Variants in ZFYVE26 observed in about 807,000 individuals in gnomAD.
The protein encoded by ZFYVE26 is zinc finger FYVE-type containing 26.
In ZFYVE26, 181 loss-of-function variants were observed where a neutral mutation model predicts 276.5. The ratio of observed to expected loss-of-function variants is 0.65; its 90% confidence interval spans 0.58 to 0.74. The LOEUF (loss-of-function observed/expected upper bound fraction) is 0.74. ZFYVE26 is among the 30% of genes least tolerant of loss of function. The pLI is 0.00. For missense variants in ZFYVE26, 2,821 were observed against 3,097.9 expected, an observed-to-expected ratio of 0.91 and a Z score of 2.12; for synonymous variants, 1,129 against 1,203.1, an observed-to-expected ratio of 0.94 and a Z score of 1.27.
At chr14:67,761,037 T>C (rs566715927) in intron 35 of ZFYVE26, 2 of 588,060 alleles carry the variant, frequency 3.4e-6, no homozygotes, top group African/African-American at 1.9e-5. Context: ...CTAAGCAATA[T>C]GCCCAAGGCC....
chr14:67,807,652 G>C lies in ZFYVE26; in HGVS notation c.632C>G (p.Pro211Arg). 1 of 1,614,160 alleles carries C rather than the reference G, an allele frequency of 6.2e-7. No homozygotes were observed. Among genetic ancestry groups the C allele is most frequent in the Non-Finnish European group, 8.5e-7 (1 of 1,180,040 alleles). The part of the protein sequence containing the change: ...LRALQGPDSV[P>R]PGVVDAIYGA... ...ATAGATGGCATCGACTACCCCAGGG[G>C]GCACCGAATCAGGGCCCTGCAAAGC... Residue 211 changes from proline to arginine, a missense_variant, in exon 5 of 42, where the codon CCC becomes CGC. Physicochemically the swap from Pro to Arg is moderately radical, Grantham distance 103. Coordinates refer to ENST00000347230, the MANE Select transcript of ZFYVE26 (RefSeq NM_015346.4).
chr14:67,733,860 G>A (rs564474436), intron 13 of ZFYVE26: 2 of 1,590,540 alleles, frequency 1.3e-6, no homozygotes, highest in South Asian at 1.1e-5. Flanking sequence ...TGGTGGAAGA[G>A]CTGCAGCTTT....
chr14:67,798,444 C>T lies in ZFYVE26; in HGVS notation c.1818G>A (p.Glu606=). 1.2e-6 allele frequency: 2 copies of T among 1,614,132 alleles called. No individual in the cohort carries two copies. The highest frequency in any genetic ancestry group is 1.7e-6 in the Non-Finnish European group (2 of 1,180,006). The change falls in exon 11 of 42, where the codon GAG becomes GAA. Residue 606 remains glutamate (E), a synonymous_variant. Transcript: ENST00000347230. ...ACCTCAAACCTGAGGGGCTCTTCCCCTCAATGTCATCATCCTCAGCATAGT... is the reference window on the plus strand; with the variant it reads ...ACCTCAAACCTGAGGGGCTCTTCCCTTCAATGTCATCATCCTCAGCATAGT... ...PEDYAEDDDI[E]GKSPSGLRSP...
At position 67,766,407 on chromosome 14, in the gene ZFYVE26, T is replaced by C. The variant is rs2039061633; in HGVS notation, c.5831A>G (p.His1944Arg). 2 of 1,612,264 alleles carry C rather than the reference T, an allele frequency of 1.2e-6. No individual in the cohort carries two copies. Among genetic ancestry groups the C allele is most frequent in the African/African-American group, 1.3e-5 (1 of 74,810 alleles). ...ASLCIAILNL[H>R]RDSIACGHQL... is the part of the protein sequence containing the mutation. ...GTGACCACAGGCAATGCTGTCCCGG[T>C]GCAGATTCAGGATGGCAATGCACAA... The change falls in exon 32 of 42, where the codon CAC (histidine) becomes CGC (arginine). Residue 1944 changes from histidine (H) to arginine (R), a missense_variant. Coordinates refer to ENST00000347230, the MANE Select transcript of ZFYVE26 (RefSeq NM_015346.4).
Position 67,799,011 on chromosome 14 carries a change from T to C in ZFYVE26, c.1640-389A>G, listed in dbSNP as rs1025867236. On this transcript the variant is annotated intron_variant, in intron 10 of 41. Transcript: ENST00000347230. ...ACGGATACTCTCTGCCCTCAGATCC[T>C]GGGAAAAGTCTATTCCGTTCCCAGT... is the stretch of plus-strand genomic sequence containing the variant. 3.0e-5 allele frequency: 34 copies of C among 1,150,010 alleles called. No individual in the cohort carries two copies. The African/African-American group carries it at 4.6e-4, about 16-fold the overall frequency. The allele number at this position is 1,150,010 out of a possible 1,614,324, so 71.2% of individuals were successfully genotyped here. A position where few individuals can be genotyped will look rare whatever the true frequency, so the allele number is the denominator to read the frequency against.
At chr14:67,769,499 T>A in intron 29 of ZFYVE26, 95 bp downstream of exon 29, 1 of 1,562,096 alleles carries the variant, frequency 6.4e-7, no homozygotes, top group Non-Finnish European at 8.8e-7. Flanking sequence ...TTTCTGGATT[T>A]GAAATGCTCT....
rs1190463308 is a variant in ZFYVE26 at position 67,804,191 on chromosome 14, GGA to G, written c.1343_1344del (p.Leu448ProfsTer31). The G allele has an allele frequency of 3.1e-6, 5 of 1,614,086 alleles. No individual in the cohort carries two copies. Among genetic ancestry groups the G allele is most frequent in the Non-Finnish European group, 4.2e-6 (5 of 1,180,028 alleles). On this transcript the variant is annotated frameshift_variant, in exon 9 of 42. Transcript: ENST00000347230. LOFTEE classifies it high-confidence loss of function. The part of the protein sequence containing the change: ...GGDSHSVLYT[L>X]HHLTNLPALR... ...AGGGCTGGAAGGTTTGTAAGGTGATGGAGAGTGTAGAGCACTGAGTGGCTGTC... is the reference window on the plus strand; with the variant it reads ...AGGGCTGGAAGGTTTGTAAGGTGATGGAGTGTAGAGCACTGAGTGGCTGTC...
At chr14:67,759,851 T>C (rs932080650) in intron 35 of ZFYVE26, among the ~76,000 whole-genome samples, 1 of 152,180 alleles carries the variant, frequency 6.6e-6, no homozygotes, top group African/African-American at 2.4e-5. Context: ...ATTTATGTTT[T>C]AGAAAGCTCA....
chr14:67,775,096 T>A lies in ZFYVE26; in HGVS notation c.5240A>T (p.Gln1747Leu), dbSNP rs1425964173. The A allele has an allele frequency of 6.2e-7, 1 of 1,610,768 alleles. No homozygotes were observed. The highest frequency in any genetic ancestry group is 1.7e-5 in the Admixed American group (1 of 59,404). ...ATCTGCAGCCTGGTGGACAATTTCT[T>A]GGAGGTGAATCACAGAATCTGTAGA... is the stretch of plus-strand genomic sequence containing the variant. ...EKRSDSVIHL[Q>L]EIVHQAADPE... is the part of the protein sequence containing the mutation. The change falls in exon 27 of 42, where the codon CAA becomes CTA. Residue 1747 changes from glutamine to leucine, a missense_variant. Coordinates refer to ENST00000347230, the MANE Select transcript of ZFYVE26 (RefSeq NM_015346.4).
rs1271425224 is a variant in ZFYVE26, at chr14:67,798,289, G to A, written c.1973C>T (p.Pro658Leu). The A allele has an allele frequency of 6.2e-7, 1 of 1,614,186 alleles. No individual in the cohort carries two copies. Among genetic ancestry groups the A allele is most frequent in the Non-Finnish European group, 8.5e-7 (1 of 1,180,016 alleles). The change falls in exon 11 of 42, where the codon CCA becomes CTA. Residue 658 changes from proline to leucine, a missense_variant. Physicochemically the swap from Pro to Leu is moderately conservative, Grantham distance 98. Transcript: ENST00000347230. The stretch of plus-strand genomic sequence containing the variant: ...CAAAAAGCTGTGCCTATGAGGCCCT[G>A]GGTAACTGTCTTTTGGCTCTGCCTT... ...HVKAEPKDSY[P>L]GPHRHSFLDL... is the part of the protein sequence containing the mutation.
chr14:67,798,878 C>A (rs2140243819), intron 10 of ZFYVE26: 1 of 878,240 alleles, frequency 1.1e-6, no homozygotes, highest in Non-Finnish European at 1.7e-6. Context: ...GCCTCCCCAG[C>A]CTTTTGGCCA....
chr14:67,769,801 C>A, intron 28 of ZFYVE26, 71 bp from the exon 29 acceptor site: 1 of 1,605,362 alleles, frequency 6.2e-7, no homozygotes, highest in East Asian at 2.2e-5. Flanking sequence ...TCCATTTATA[C>A]ATGGTATTAA....
intron 23 of ZFYVE26, among the ~76,000 whole-genome samples, chr14:67,779,307 A>C (rs1187485772): frequency 6.6e-6 from 1 of 152,222 alleles, no homozygotes; most frequent in East Asian, 1.9e-4. Flanking sequence ...TCATGCCTGT[A>C]ATCCCAGCAC....
intron 9 of ZFYVE26, 51 bp from the exon 10 acceptor site, chr14:67,802,333 T>C (rs1440616649): frequency 6.3e-7 from 1 of 1,584,026 alleles, no homozygotes; most frequent in Non-Finnish European, 8.7e-7. Context: ...TAATTCAGGA[T>C]GCAAGTATGG....
In ZFYVE26 at chr14:67,747,895, AT is replaced by A. The variant is rs2038525160; in HGVS notation, c.*540del. 6.3e-6 allele frequency: 1 copy of A among 158,354 alleles called. No individual in the cohort carries two copies. Among genetic ancestry groups the A allele is most frequent in the African/African-American group, 2.4e-5 (1 of 41,436 alleles). The allele number at this position is 158,354 out of a possible 1,614,324, so 9.8% of individuals were successfully genotyped here. On this transcript the variant is annotated 3_prime_UTR_variant, in exon 42 of 42. Transcript: ENST00000347230. ...GCACTTGCCCCAAAGCCATCTCTGA[AT>A]TTTGGAATGGGAAGGAAGGAAAAGA...
chr14:67,729,651 T>C (rs1370338126), exon 14 of ZFYVE26: 2 of 600,560 alleles, frequency 3.3e-6, no homozygotes, highest in African/African-American at 1.9e-5. Flanking sequence ...TAAAGAAGAC[T>C]GTCGCTGTTG....
In ZFYVE26 at chr14:67,748,323, C is replaced by A; in HGVS notation, c.*113G>T. The A allele has an allele frequency of 2.4e-6, 3 of 1,260,422 alleles. No individual in the cohort carries two copies. Among genetic ancestry groups the A allele is most frequent in the East Asian group, 5.0e-5 (2 of 40,102 alleles). 78.1% of individuals were successfully genotyped at this position (1,260,422 alleles called of 1,614,324 possible). ...AGGGTCCAATCCAACTCTTTCCAAC[C>A]TAGGGCAGAGCCAGAGAAGTCCCAC... On this transcript the variant is annotated 3_prime_UTR_variant, in exon 42 of 42. Coordinates refer to ENST00000347230, the MANE Select transcript of ZFYVE26 (RefSeq NM_015346.4).
chr14:67,801,061 T>C (rs998318733), intron 10 of ZFYVE26, among the ~76,000 whole-genome samples: 8 of 152,250 alleles, frequency 5.3e-5, no homozygotes, highest in Admixed American at 2.0e-4. Flanking sequence ...GACACCAGCC[T>C]GGCCAACTGG....
In ZFYVE26 at chr14:67,783,367, G is replaced by A. The variant is rs2039559881; in HGVS notation, c.3785C>T (p.Ser1262Phe). 2.5e-6 allele frequency: 4 copies of A among 1,613,724 alleles called. No individual in the cohort carries two copies. Among genetic ancestry groups the A allele is most frequent in the South Asian group, 2.2e-5 (2 of 91,084 alleles). ...RLGTLAQLHA[S>F]HCLDDLPLST... ...AAGTGGGAGGTCATCCAGGCAGTGA[G>A]AGGCGTGTAGCTGGGCCAGAGTACC... is the stretch of plus-strand genomic sequence containing the variant. The change falls in exon 21 of 42, where the codon TCT becomes TTT. Residue 1262 changes from serine (S) to phenylalanine (F), a missense_variant. Transcript: ENST00000347230.
Sources: gnomAD v4.1 joint callset for allele counts (sites outside exome capture counted in the v4.1 genomes callset) on GRCh38, gnomAD v4.1.1 for gene constraint, MANE v1.5 for transcripts, NCBI Gene and HGNC (gene_info 2026-07-23, HGNC 2026-07-21) for gene names.